Variants in GIGYF2 observed in about 807,000 individuals in gnomAD.
GIGYF2 encodes GRB10-interacting GYF protein 2.
In GIGYF2, 25 loss-of-function variants were observed where a neutral mutation model predicts 208.1. That is an observed-to-expected ratio of 0.12 (90% CI 0.09 to 0.17). The LOEUF (loss-of-function observed/expected upper bound fraction) is 0.17. GIGYF2 is among the 10% of genes least tolerant of loss of function. GIGYF2 has a pLI of 1.00. For missense variants in GIGYF2, 1,302 were observed against 1,579.4 expected, an observed-to-expected ratio of 0.82 and a Z score of 2.98; for synonymous variants, 534 against 543.8, an observed-to-expected ratio of 0.98 and a Z score of 0.25.
chr2:232,812,148 G>A (rs1314381343), intron 17 of GIGYF2, among the ~76,000 whole-genome samples: 3 of 151,940 alleles, frequency 2.0e-5, no homozygotes, highest in Non-Finnish European at 4.4e-5. Flanking sequence ...ATATACAGTG[G>A]GTATATCCAT....
At chr2:232,825,403 C>CATGGGATGGGATGTG (rs1320145646) in intron 21 of GIGYF2, among the ~76,000 whole-genome samples, 2 of 152,156 alleles carry the variant, frequency 1.3e-5, no homozygotes, top group African/African-American at 4.8e-5. Context: ...TTCCCACCCT[C>CATGGGATGGGATGTG]ATGGATGACT....
At chr2:232,699,479 T>C (rs1695748679) in intron 1 of GIGYF2, among the ~76,000 whole-genome samples, 1 of 152,120 alleles carries the variant, frequency 6.6e-6, no homozygotes, top group Non-Finnish European at 1.5e-5. Context: ...GCAGCCAGCC[T>C]CCCCAACCCC....
intron 8 of GIGYF2, among the ~76,000 whole-genome samples, chr2:232,764,247 C>T (rs1698859857): frequency 6.6e-6 from 1 of 152,170 alleles, no homozygotes; most frequent in Non-Finnish European, 1.5e-5. Flanking sequence ...AAGCAGCCTT[C>T]TGTGGAAAGG....
At position 232,707,504 on chromosome 2, in the gene GIGYF2, T is replaced by G. The variant is rs146676305; in HGVS notation, c.-44+4015T>G. Among the ~76,000 whole-genome samples the G allele has an allele frequency of 8.8e-3, 1,340 of 152,290 alleles. 34 individuals are homozygous for G. The highest frequency in any genetic ancestry group is 0.055 in the Admixed American group (843 of 15,292). On this transcript the variant is annotated intron_variant, in intron 2 of 28. Transcript: ENST00000373563. ...CTTGGGAACTGATGTGTGGTGCTGC[T>G]CAAACCATGACCAGATGTCTTCAGT... is the stretch of plus-strand genomic sequence containing the variant.
At chr2:232,767,955 G>C in intron 8 of GIGYF2, 1 of 519,472 alleles carries the variant, frequency 1.9e-6, no homozygotes, top group East Asian at 3.5e-5. Flanking sequence ...TTCTGTATAA[G>C]TGTCTGTCAA....
intron 9 of GIGYF2, among the ~76,000 whole-genome samples, chr2:232,790,223 A>T (rs1324016310): frequency 6.6e-6 from 1 of 152,174 alleles, no homozygotes; most frequent in East Asian, 1.9e-4. Flanking sequence ...GTTTGATATA[A>T]GTCAACACAG....
At chr2:232,715,820 CTTTT>C (rs75526495) in intron 2 of GIGYF2, among the ~76,000 whole-genome samples, 1 of 143,946 alleles carries the variant, frequency 6.9e-6, no homozygotes, top group Non-Finnish European at 1.5e-5. Context: ...GAAGAATTTC[CTTTT>C]TTTTTTTTTT....
At chr2:232,728,944 T>TTTTCCTTTTTTC (rs1697329613) in intron 2 of GIGYF2, among the ~76,000 whole-genome samples, 1 of 152,044 alleles carries the variant, frequency 6.6e-6, no homozygotes, top group Non-Finnish European at 1.5e-5. Flanking sequence ...TTCCTTTTCC[T>TTTTCCTTTTTTC]TTTCCTTTTC....
At chr2:232,795,310 C>G (rs1316334121) in intron 13 of GIGYF2, among the ~76,000 whole-genome samples, 2 of 152,114 alleles carry the variant, frequency 1.3e-5, no homozygotes, top group African/African-American at 4.8e-5. Context: ...GTTAAACTTT[C>G]AGAGCATTAA....
rs374267206 is a variant in GIGYF2 at position 232,706,886 on chromosome 2, T to C, written c.-44+3397T>C. Reference sequence around the variant, plus strand: ...CCTTAGGCCTGGGAGTTTGAGGCTGTACTGAGCCGTGATTGCACCACTGCA... The same window carrying C: ...CCTTAGGCCTGGGAGTTTGAGGCTGCACTGAGCCGTGATTGCACCACTGCA... On this transcript the variant is annotated intron_variant, in intron 2 of 28. Coordinates refer to ENST00000373563, the MANE Select transcript of GIGYF2 (RefSeq NM_001103146.3). Among the ~76,000 whole-genome samples, 24 of 150,488 alleles carry C rather than the reference T, an allele frequency of 1.6e-4. 1 individual carries two copies. Among genetic ancestry groups the C allele is most frequent in the African/African-American group, 5.9e-4 (24 of 40,890 alleles).
At chr2:232,796,339 C>T (rs909383462) in intron 14 of GIGYF2, 118 bp downstream of exon 14, 66 of 739,604 alleles carry the variant, frequency 8.9e-5, no homozygotes, top group Non-Finnish European at 8.3e-5. Flanking sequence ...AGCACACACG[C>T]GCGCACACAC....
intron 2 of GIGYF2, among the ~76,000 whole-genome samples, chr2:232,712,356 T>C (rs1289403787): frequency 1.4e-4 from 21 of 152,224 alleles, no homozygotes; most frequent in Non-Finnish European, 1.5e-5. Flanking sequence ...CATTTCATCA[T>C]GTAGAATATT....
chr2:232,697,827 C>T (rs1016971264), intron 1 of GIGYF2, among the ~76,000 whole-genome samples: 2 of 152,250 alleles, frequency 1.3e-5, no homozygotes, highest in Non-Finnish European at 2.9e-5. Flanking sequence ...GGCCCGGTAA[C>T]AGCTGCTGCG....
chr2:232,838,582 G>GA (rs1701722358), intron 22 of GIGYF2, among the ~76,000 whole-genome samples: 1 of 152,180 alleles, frequency 6.6e-6, no homozygotes, highest in Non-Finnish European at 1.5e-5. Context: ...AAAATATGCT[G>GA]ATTCTCCTGC....
chr2:232,739,146 G>A (rs927928303), intron 3 of GIGYF2, among the ~76,000 whole-genome samples: 2 of 147,522 alleles, frequency 1.4e-5, no homozygotes, highest in Non-Finnish European at 3.0e-5. Flanking sequence ...ATCACCTGAG[G>A]TCAGGAGTTT....
chr2:232,795,177 A>G (rs1700186146), intron 13 of GIGYF2, among the ~76,000 whole-genome samples: 1 of 152,184 alleles, frequency 6.6e-6, no homozygotes, highest in Admixed American at 6.5e-5. Context: ...GGTTGCCCTT[A>G]GCTATTTACT....
rs1701472000 is a variant in GIGYF2 at position 232,833,018 on chromosome 2, C to G, written c.2691C>G (p.Arg897=). The change falls in exon 22 of 29, where the codon CGC becomes CGG. Residue 897 remains arginine, a synonymous_variant. Transcript: ENST00000373563. ...TCCAGCGGCAGAAGGAGTTAATGCGCCAGAGGCAGCAGCAGCAAGAGGCTC... is the reference window on the plus strand; with the variant it reads ...TCCAGCGGCAGAAGGAGTTAATGCGGCAGAGGCAGCAGCAGCAAGAGGCTC... The part of the protein sequence containing the change: ...LEVQRQKELM[R]QRQQQQEALR... The G allele has an allele frequency of 6.4e-7, 1 of 1,567,896 alleles. No homozygotes were observed. Among genetic ancestry groups the G allele is most frequent in the Non-Finnish European group, 8.6e-7 (1 of 1,156,150 alleles).
chr2:232,815,569 T>C, intron 18 of GIGYF2, 68 bp from the exon 19 acceptor site: 1 of 887,426 alleles, frequency 1.1e-6, no homozygotes, highest in South Asian at 1.4e-5. Flanking sequence ...TTTTTCATGA[T>C]TCCTACGGAT....
chr2:232,729,480 A>G (rs1240616385), intron 2 of GIGYF2: 2 of 1,025,540 alleles, frequency 2.0e-6, no homozygotes, highest in Non-Finnish European at 2.7e-6. Flanking sequence ...TTTTTAATTA[A>G]CCTCTCAAGC....
Sources: gnomAD v4.1 joint callset for allele counts (sites outside exome capture counted in the v4.1 genomes callset) on GRCh38, gnomAD v4.1.1 for gene constraint, MANE v1.5 for transcripts, NCBI Gene and HGNC (gene_info 2026-07-23, HGNC 2026-07-21) for gene names.